The following NKAIN3 variants were observed in gnomAD, a reference collection of about 807,000 sequenced individuals.
NKAIN3 encodes sodium/potassium-transporting ATPase subunit beta-1-interacting protein 3.
In NKAIN3, 25 loss-of-function variants were observed where a neutral mutation model predicts 30.2. The ratio of observed to expected loss-of-function variants is 0.83; its 90% CI spans 0.60 to 1.16. The LOEUF (loss-of-function observed/expected upper bound fraction) is 1.16, where lower values mean the gene tolerates loss of function less well. Among genes scored for constraint, NKAIN3 ranks in the 50% most tolerant of loss-of-function variants. The pLI is 0.00. For missense variants in NKAIN3, 225 were observed against 254.1 expected, an observed-to-expected ratio of 0.89 and a Z score of 0.78; for synonymous variants, 91 against 89.6, an observed-to-expected ratio of 1.02 and a Z score of -0.09.
rs189609397 is a variant in NKAIN3 at position 62,724,094 on chromosome 8, G to A, written c.274-22838G>A. On this transcript the variant is annotated intron_variant, in intron 3 of 6. Coordinates refer to ENST00000623646, the MANE Select transcript of NKAIN3 (RefSeq NM_001304533.3). ...CCCTTCCAACAGAACCAAATGACAC[G>A]GACAAGCTAACTGAAGGAATGAAAT... 5.3e-5 allele frequency among the ~76,000 whole-genome samples: 8 copies of A among 152,094 alleles called. No homozygotes were observed. The East Asian group carries it at 1.5e-3, about 29-fold the overall frequency.
intron 1 of NKAIN3, among the ~76,000 whole-genome samples, chr8:62,498,447 C>T (rs1029226821): frequency 6.6e-6 from 1 of 151,978 alleles, no homozygotes; most frequent in African/African-American, 2.4e-5. Context: ...ATTGCTTCAC[C>T]TTAGTTGTAT....
chr8:62,376,167 C>T (rs1817076826), intron 1 of NKAIN3, among the ~76,000 whole-genome samples: 2 of 152,200 alleles, frequency 1.3e-5, no homozygotes, highest in Non-Finnish European at 1.5e-5. Context: ...ACACAGGGAG[C>T]TTCTCTGACT....
Position 62,963,734 on chromosome 8 carries a change from A to G in NKAIN3, c.604-1620A>G, listed in dbSNP as rs370072731. Among the ~76,000 whole-genome samples the G allele has an allele frequency of 1.3e-3, 199 of 152,284 alleles. 6 individuals are homozygous for G. The South Asian group carries it at 0.041, about 31-fold the overall frequency. On this transcript the variant is annotated intron_variant, in intron 6 of 6. Transcript: ENST00000623646. ...GACATTGAGATTCAGAATGTAGAGA[A>G]TAGATGAGCAGAGGAAATGTGATGG...
rs186790407 is a variant in NKAIN3 at position 62,366,647 on chromosome 8, A to T, written c.54+117520A>T. On this transcript the variant is annotated intron_variant, in intron 1 of 6. Coordinates refer to ENST00000623646, the MANE Select transcript of NKAIN3 (RefSeq NM_001304533.3). ...TCAATTTCATTTTTATTTTCAAAAA[A>T]CAACTCCAGTTCATTGATCTTTTCT... is the stretch of plus-strand genomic sequence containing the variant. 3.5e-3 allele frequency among the ~76,000 whole-genome samples: 538 copies of T among 152,312 alleles called. 2 individuals are homozygous for T. Among genetic ancestry groups the T allele is most frequent in the Non-Finnish European group, 5.9e-3 (399 of 68,034 alleles).
At chr8:62,637,644 G>A (rs922052214) in intron 3 of NKAIN3, among the ~76,000 whole-genome samples, 1 of 152,072 alleles carries the variant, frequency 6.6e-6, no homozygotes. Flanking sequence ...TAGAATTCCT[G>A]GGCATTTGTC....
intron 5 of NKAIN3, among the ~76,000 whole-genome samples, chr8:62,935,039 G>A (rs1361236813): frequency 6.6e-6 from 1 of 152,056 alleles, no homozygotes; most frequent in Non-Finnish European, 1.5e-5. Flanking sequence ...AGACCTTTAT[G>A]CAGACAAGCT....
chr8:62,333,628 A>G (rs1275565311), intron 1 of NKAIN3, among the ~76,000 whole-genome samples: 1 of 152,030 alleles, frequency 6.6e-6, no homozygotes, highest in Admixed American at 6.6e-5. Flanking sequence ...TTTCTTAGCT[A>G]TATATATGAA....
chr8:62,316,987 A>G (rs536038097), intron 1 of NKAIN3, among the ~76,000 whole-genome samples: 1 of 152,242 alleles, frequency 6.6e-6, no homozygotes, highest in Admixed American at 6.5e-5. Flanking sequence ...GTGAAATGGT[A>G]TCTCATTGTG....
chr8:62,937,553 C>G (rs1300506422), intron 5 of NKAIN3, among the ~76,000 whole-genome samples: 1 of 152,010 alleles, frequency 6.6e-6, no homozygotes, highest in Non-Finnish European at 1.5e-5. Flanking sequence ...ACCAGGGAAG[C>G]TATTTATTAC....
At chr8:62,838,575 A>G (rs1819439452) in intron 4 of NKAIN3, among the ~76,000 whole-genome samples, 1 of 152,044 alleles carries the variant, frequency 6.6e-6, no homozygotes, top group East Asian at 1.9e-4. Flanking sequence ...AGTTTCTGCC[A>G]GAGAAAATTC....
At chr8:62,995,600 G>A (rs73684322) in intron 5 of NKAIN3, among the ~76,000 whole-genome samples, 3,176 of 152,228 alleles carry the variant, frequency 0.021, 95 homozygotes, top group African/African-American at 0.067. Flanking sequence ...GTAGAAGGAA[G>A]ATGGAGGAAA....
intron 1 of NKAIN3, among the ~76,000 whole-genome samples, chr8:62,301,987 C>T (rs1441597502): frequency 1.3e-5 from 2 of 152,006 alleles, no homozygotes; most frequent in African/African-American, 4.8e-5. Flanking sequence ...GCAGTGGCCA[C>T]CACAGACTTT....
Position 62,735,968 on chromosome 8 carries a change from T to C in NKAIN3, c.274-10964T>C, listed in dbSNP as rs144150489. ...GGCTCAAGGATGGTACTGAGGAGTG[T>C]CTGCAAAGGGTTCCGTGATGTGATT... On this transcript the variant is annotated intron_variant, in intron 3 of 6. Coordinates refer to ENST00000623646, the MANE Select transcript of NKAIN3 (RefSeq NM_001304533.3). 9.4e-4 allele frequency among the ~76,000 whole-genome samples: 143 copies of C among 152,246 alleles called. 1 individual carries two copies. The highest frequency in any genetic ancestry group is 3.3e-3 in the African/African-American group (137 of 41,566).
intron 1 of NKAIN3, among the ~76,000 whole-genome samples, chr8:62,287,006 G>T (rs970612426): frequency 4.0e-5 from 6 of 151,266 alleles, no homozygotes; most frequent in Non-Finnish European, 7.4e-5. Context: ...TATTTCAACT[G>T]GGGCATGGAA....
intron 4 of NKAIN3, among the ~76,000 whole-genome samples, chr8:62,779,065 G>T (rs1472552475): frequency 6.6e-6 from 1 of 151,982 alleles, no homozygotes; most frequent in African/African-American, 2.4e-5. Flanking sequence ...TCCTACTGTG[G>T]CTGAGCTGGT....
chr8:62,576,207 A>G (rs982429785), intron 1 of NKAIN3, among the ~76,000 whole-genome samples: 1 of 152,104 alleles, frequency 6.6e-6, no homozygotes, highest in East Asian at 1.9e-4. Context: ...AAAATTGCAA[A>G]CTACCCATCT....
At chr8:62,592,968 AG>A (rs1450249244) in intron 3 of NKAIN3, among the ~76,000 whole-genome samples, 1 of 151,956 alleles carries the variant, frequency 6.6e-6, no homozygotes, top group African/African-American at 2.4e-5. Context: ...GCAATATTAA[AG>A]GGGGAAATTG....
chr8:62,508,325 C>A (rs1198623894), intron 1 of NKAIN3, among the ~76,000 whole-genome samples: 1 of 152,144 alleles, frequency 6.6e-6, no homozygotes, highest in Non-Finnish European at 1.5e-5. Context: ...CCATTTCAAA[C>A]AATTTGCTTT....
intron 1 of NKAIN3, among the ~76,000 whole-genome samples, chr8:62,372,187 T>C (rs958703080): frequency 2.0e-5 from 3 of 151,582 alleles, no homozygotes; most frequent in African/African-American, 7.3e-5. Flanking sequence ...ATCTTTTGCC[T>C]TTATGTATAG....
Sources: allele counts gnomAD v4.1 joint callset (sites outside exome capture counted in the v4.1 genomes callset), GRCh38; gene constraint gnomAD v4.1.1; transcripts MANE v1.5; gene names NCBI Gene and HGNC (gene_info 2026-07-23, HGNC 2026-07-21).